The following UGT2B4 variants were observed in gnomAD, a reference collection of about 807,000 sequenced individuals.
The protein encoded by UGT2B4 is UDP glucuronosyltransferase family 2 member B4, also known as UDP-glucuronosyltransferase 2B4.
UGT2B4 carries 49 observed loss-of-function variants against 49.8 expected under a neutral mutation model. The ratio of observed to expected loss-of-function variants is 0.98; its 90% confidence interval spans 0.78 to 1.25. UGT2B4 has a LOEUF of 1.25. Among genes scored for constraint, UGT2B4 ranks in the 50% most tolerant of loss-of-function variants. The probability of loss-of-function intolerance (pLI) is 0.00; values close to 1 mark genes in which losing one functional copy is unlikely to be tolerated. For missense variants in UGT2B4, 729 were observed against 627.7 expected, an observed-to-expected ratio of 1.16 and a Z score of -1.73; for synonymous variants, 246 against 217.7, an observed-to-expected ratio of 1.13 and a Z score of -1.14.
upstream of UGT2B4, among the ~76,000 whole-genome samples, chr4:69,497,713 G>A (rs1158026688): frequency 3.3e-5 from 5 of 152,210 alleles, no homozygotes; most frequent in Non-Finnish European, 7.3e-5. Context: ...AAGATTATGT[G>A]AACATTGCTG....
At chr4:69,500,368 A>T (rs766245502), upstream of UGT2B4, among the ~76,000 whole-genome samples, 1 of 152,004 alleles carries the variant, frequency 6.6e-6, no homozygotes, top group Non-Finnish European at 1.5e-5. Flanking sequence ...AAACCTGCAC[A>T]TCCTGGACAT....
rs963600387 is a variant in UGT2B4 at position 69,485,350 on chromosome 4, T to C, written c.1168A>G (p.Met390Val). 4 of 1,613,994 alleles carry C rather than the reference T, an allele frequency of 2.5e-6. No homozygotes were observed. The highest frequency in any genetic ancestry group is 3.4e-6 in the Non-Finnish European group (4 of 1,179,920). Residue 390 changes from methionine to valine, a missense_variant, in exon 5 of 6, where the codon ATG becomes GTG. By Grantham distance (21) the Met-to-Val change is conservative. Transcript: ENST00000305107. ...TCTGCAAACAATGGAACGCCCACCA[T>C]AGGGATTCCATGGTAGATTGCCTCA... The part of the protein sequence containing the change: ...IYEAIYHGIP[M>V]VGVPLFADQP...
chr4:69,501,809 C>T (rs1003197572), intron 1 of UGT2B4, among the ~76,000 whole-genome samples: 1 of 152,068 alleles, frequency 6.6e-6, no homozygotes, highest in Non-Finnish European at 1.5e-5. Flanking sequence ...ATATGTACCC[C>T]CAGCACAGCA....
chr4:69,497,155 T>C (rs1404201304), upstream of UGT2B4, among the ~76,000 whole-genome samples: 1 of 152,182 alleles, frequency 6.6e-6, no homozygotes. Flanking sequence ...GAGGTATTCC[T>C]TCAGGTCCAG....
rs142504429 is a variant in UGT2B4 at position 69,520,104 on chromosome 4, A to C, written c.-106+5583T>G. On this transcript the variant is annotated intron_variant, in intron 1 of 1. Coordinates refer to the UGT2B4 transcript ENST00000510114. Reference sequence around the variant, plus strand: ...CAAAAACACACATGTAAAATATTAAATTAGAAAACACTTGAAGCAAACTTA... The same window carrying C: ...CAAAAACACACATGTAAAATATTAACTTAGAAAACACTTGAAGCAAACTTA... Among the ~76,000 whole-genome samples, 419 of 152,336 alleles carry C rather than the reference A, an allele frequency of 2.8e-3. 4 individuals carry two copies. Among genetic ancestry groups the C allele is most frequent in the African/African-American group, 9.2e-3 (382 of 41,586 alleles).
upstream of UGT2B4, among the ~76,000 whole-genome samples, chr4:69,498,625 C>A (rs541397833): frequency 6.6e-6 from 1 of 151,278 alleles, no homozygotes; most frequent in South Asian, 2.1e-4. Context: ...AGGAATTTAT[C>A]TACTTCTAGA....
intron 1 of UGT2B4, among the ~76,000 whole-genome samples, chr4:69,520,748 G>C (rs765361843): frequency 2.0e-5 from 3 of 152,136 alleles, no homozygotes; most frequent in Non-Finnish European, 2.9e-5. Context: ...ACTGAGGATG[G>C]CTCAGCACCA....
intron 1 of UGT2B4, among the ~76,000 whole-genome samples, chr4:69,516,855 G>A (rs933878850): frequency 1.3e-4 from 19 of 151,146 alleles, no homozygotes; most frequent in South Asian, 8.4e-4. Flanking sequence ...TGATTTGCCC[G>A]CCTTACGCTC....
chr4:69,503,973 T>C (rs1313050772), intron 1 of UGT2B4, among the ~76,000 whole-genome samples: 1 of 152,204 alleles, frequency 6.6e-6, no homozygotes, highest in Non-Finnish European at 1.5e-5. Context: ...AACAGAATGT[T>C]GGTCCCCCAA....
intron 4 of UGT2B4, 56 bp from the exon 5 acceptor site, chr4:69,485,483 C>A (rs1727753974): frequency 6.3e-7 from 1 of 1,598,184 alleles, no homozygotes; most frequent in Admixed American, 1.7e-5. Flanking sequence ...GAGAAATGCA[C>A]AATGGAAGAA....
At chr4:69,499,191 C>G (rs1025503038), upstream of UGT2B4, among the ~76,000 whole-genome samples, 42 of 152,130 alleles carry the variant, frequency 2.8e-4, no homozygotes, top group African/African-American at 9.4e-4. Flanking sequence ...GTTTCTTAAT[C>G]TTAGGTTCCG....
intron 2 of UGT2B4, among the ~76,000 whole-genome samples, chr4:69,491,830 T>A (rs1404123950): frequency 6.6e-6 from 1 of 152,062 alleles, no homozygotes; most frequent in African/African-American, 2.4e-5. Flanking sequence ...TCAGCTTTTG[T>A]CTCTTTAGAA....
chr4:69,493,855 A>T lies in UGT2B4; in HGVS notation c.722-14T>A, dbSNP rs746386182. On this transcript the variant is annotated splice_polypyrimidine_tract_variant and intron_variant, in intron 1 of 5. Transcript: ENST00000305107. The stretch of plus-strand genomic sequence containing the variant: ...TAGTGGGTCTTCCTGATGGGGGAAA[A>T]AAAAAGAAAAGATAGATGACACAAG... 1 of 1,581,700 alleles carries T rather than the reference A, an allele frequency of 6.3e-7. No homozygotes were observed. The highest frequency in any genetic ancestry group is 1.2e-5 in the South Asian group (1 of 83,128).
At chr4:69,486,742 A>T in intron 3 of UGT2B4, 46 bp from the exon 4 acceptor site, 2 of 1,419,892 alleles carry the variant, frequency 1.4e-6, no homozygotes, top group Non-Finnish European at 2.0e-6. Flanking sequence ...GGAACTCAAA[A>T]GTCATAGAAT....
At chr4:69,481,034 C>A (rs1577876968) in intron 5 of UGT2B4, 124 bp from the exon 6 acceptor site, 2 of 828,908 alleles carry the variant, frequency 2.4e-6, no homozygotes, top group African/African-American at 1.9e-5. Context: ...GTCAGGAGAT[C>A]AAGACCATCC....
rs376320686 is a variant in UGT2B4 at position 69,480,812 on chromosome 4, T to C, written c.1409A>G (p.His470Arg). 2 of 1,613,944 alleles carry C rather than the reference T, an allele frequency of 1.2e-6. No individual in the cohort carries two copies. Among genetic ancestry groups the C allele is most frequent in the South Asian group, 1.1e-5 (1 of 91,072 alleles). ...AACCCGAAGGTGCTTGGCTCCTTTA[T>C]GGCGCATGACAAATTCAATCCAGAA... ...AVFWIEFVMR[H>R]KGAKHLRVAA... The change falls in exon 6 of 6, where the codon CAT (histidine) becomes CGT (arginine). Residue 470 changes from histidine to arginine, a missense_variant. Physicochemically the swap from His to Arg is conservative, Grantham distance 29. Transcript: ENST00000305107.
In UGT2B4 at chr4:69,481,091, G is replaced by GAAAAAAAAAAAAAAA. The variant is rs57494102; in HGVS notation, c.1311-196_1311-182dup. On this transcript the variant is annotated intron_variant, in intron 5 of 5. Coordinates refer to ENST00000305107, the MANE Select transcript of UGT2B4 (RefSeq NM_021139.3). ...GTCACCCCGTCTCCAGTAAAAATAT[G>GAAAAAAAAAAAAAAA]AAAAAAAAAAAAAAAAAAAAAAAAA... Among the ~76,000 whole-genome samples the GAAAAAAAAAAAAAAA allele has an allele frequency of 4.3e-4, 29 of 67,808 alleles. 1 individual carries two copies. Among genetic ancestry groups the GAAAAAAAAAAAAAAA allele is most frequent in the Non-Finnish European group, 5.6e-4 (22 of 38,958 alleles). The allele number at this position is 67,808 out of a possible 152,430, so 44.5% of individuals were successfully genotyped here.
chr4:69,507,770 A>G (rs1310550842), intron 1 of UGT2B4, among the ~76,000 whole-genome samples: 1 of 152,196 alleles, frequency 6.6e-6, no homozygotes, highest in African/African-American at 2.4e-5. Flanking sequence ...AAGACAAACT[A>G]TGCAATAGCA....
intron 1 of UGT2B4, among the ~76,000 whole-genome samples, chr4:69,524,306 C>T (rs36043662): frequency 0.35 from 53,419 of 151,884 alleles, 9,503 homozygotes; most frequent in Non-Finnish European, 0.37. Context: ...AAGTGAAACA[C>T]GTGGTACTCT....
Sources: allele counts gnomAD v4.1 joint callset (sites outside exome capture counted in the v4.1 genomes callset), GRCh38; gene constraint gnomAD v4.1.1; transcripts MANE v1.5; gene names NCBI Gene and HGNC (gene_info 2026-07-23, HGNC 2026-07-21).